THSD7B: variants seen among roughly 807,000 people sequenced by gnomAD.
The protein encoded by THSD7B is thrombospondin type-1 domain-containing protein 7B.
A neutral mutation model predicts 213.6 loss-of-function variants in THSD7B; 138 were observed. The ratio of observed to expected loss-of-function variants is 0.65; its 90% CI spans 0.56 to 0.74. The LOEUF (loss-of-function observed/expected upper bound fraction) is 0.74. Ranked by LOEUF, THSD7B falls within the 30% of genes least tolerant of loss-of-function variation. THSD7B has a pLI of 0.00. For synonymous variants in THSD7B, 742 were observed against 687.0 expected (o/e 1.08, Z -1.25); for missense variants, 1,931 against 1,991.5 (o/e 0.97, Z 0.58).
intron 12 of THSD7B, among the ~76,000 whole-genome samples, chr2:137,358,062 T>G (rs1685173112): frequency 6.6e-6 from 1 of 152,224 alleles, no homozygotes; most frequent in Non-Finnish European, 1.5e-5. Context: ...TTTTCTTTCC[T>G]TTCCTTGCTG....
chr2:137,445,667 T>C (rs1416532504), intron 14 of THSD7B, among the ~76,000 whole-genome samples: 2 of 151,818 alleles, frequency 1.3e-5, no homozygotes. Flanking sequence ...AAAAATACAG[T>C]TAGATAGAAA....
At chr2:136,897,871 T>C (rs1427388764) in intron 2 of THSD7B, among the ~76,000 whole-genome samples, 1 of 152,072 alleles carries the variant, frequency 6.6e-6, no homozygotes, top group Non-Finnish European at 1.5e-5. Flanking sequence ...TGCTGATTGG[T>C]GCGTTTACAA....
intron 5 of THSD7B, among the ~76,000 whole-genome samples, chr2:137,142,476 G>T (rs895647027): frequency 2.4e-4 from 37 of 152,000 alleles, no homozygotes; most frequent in African/African-American, 8.5e-4. Flanking sequence ...GTTTTTGGAG[G>T]GTTGAGCATT....
chr2:137,074,747 T>C (rs949250436), intron 3 of THSD7B, among the ~76,000 whole-genome samples: 8 of 152,222 alleles, frequency 5.3e-5, no homozygotes, highest in Admixed American at 3.3e-4. Context: ...CCATGTTTAG[T>C]GCTTCCTTCA....
chr2:136,999,482 C>T (rs1450226638), intron 2 of THSD7B, among the ~76,000 whole-genome samples: 1 of 149,654 alleles, frequency 6.7e-6, no homozygotes, highest in Non-Finnish European at 1.5e-5. Flanking sequence ...TTTTTTCAAG[C>T]ATGATATTGA....
intron 2 of THSD7B, among the ~76,000 whole-genome samples, chr2:136,929,578 A>T (rs554752041): frequency 1.3e-5 from 2 of 152,326 alleles, no homozygotes; most frequent in East Asian, 1.9e-4. Context: ...CACTCCTCAA[A>T]ATAACAACCA....
chr2:136,905,561 CCT>C (rs899177707), intron 2 of THSD7B, among the ~76,000 whole-genome samples: 8 of 152,126 alleles, frequency 5.3e-5, no homozygotes, highest in Non-Finnish European at 1.0e-4. Flanking sequence ...TGTCATTGGT[CCT>C]AAATTAACAG....
At chr2:136,778,165 A>G (rs934302729) in intron 1 of THSD7B, among the ~76,000 whole-genome samples, 16 of 152,274 alleles carry the variant, frequency 1.1e-4, no homozygotes, top group Non-Finnish European at 4.4e-5. Context: ...CACCCTCCTC[A>G]TGGCACTAGA....
At chr2:136,797,012 A>ACACACACAC (rs1553449017) in intron 1 of THSD7B, among the ~76,000 whole-genome samples, 11 of 148,912 alleles carry the variant, frequency 7.4e-5, no homozygotes, top group Non-Finnish European at 1.2e-4. Context: ...ACACACACAC[A>ACACACACAC]ACCTAAAAAA....
At chr2:137,308,299 C>T (rs972914391) in intron 12 of THSD7B, among the ~76,000 whole-genome samples, 15 of 151,904 alleles carry the variant, frequency 9.9e-5, no homozygotes, top group African/African-American at 2.9e-4. Context: ...ATGATTTTAC[C>T]GGCTGTGAGC....
intron 26 of THSD7B, 21 bp from the exon 27 acceptor site, chr2:137,667,753 T>C (rs1683477080): frequency 6.3e-7 from 1 of 1,582,872 alleles, no homozygotes; most frequent in Non-Finnish European, 8.6e-7. Flanking sequence ...AAGCTTCTTA[T>C]GTTATCTCTA....
chr2:137,150,242 C>CA (rs34325279), intron 5 of THSD7B, among the ~76,000 whole-genome samples: 2,420 of 129,290 alleles, frequency 0.019, 66 homozygotes, highest in African/African-American at 0.065. Context: ...AATTCTGTCT[C>CA]AAAAAAAAAA....
intron 2 of THSD7B, among the ~76,000 whole-genome samples, chr2:136,970,502 AAAAAG>A (rs1459148531): frequency 1.6e-4 from 24 of 152,248 alleles, no homozygotes; most frequent in African/African-American, 4.6e-4. Context: ...AATGAAAAAG[AAAAAG>A]AAGAGTATAA....
intron 16 of THSD7B, among the ~76,000 whole-genome samples, chr2:137,568,946 A>T (rs1681296625): frequency 2.0e-5 from 3 of 152,158 alleles, no homozygotes; most frequent in South Asian, 2.1e-4. Flanking sequence ...GACTTTATGG[A>T]TATGCTACCT....
At chr2:137,205,221 A>C (rs1329985343) in intron 7 of THSD7B, among the ~76,000 whole-genome samples, 1 of 152,084 alleles carries the variant, frequency 6.6e-6, no homozygotes, top group East Asian at 1.9e-4. Flanking sequence ...TTTTTAGAAA[A>C]GATTCTTGGA....
intron 2 of THSD7B, among the ~76,000 whole-genome samples, chr2:136,954,714 C>CAAAAAAAAAAAAAAAAA (rs11378111): frequency 6.7e-5 from 6 of 89,396 alleles, no homozygotes; most frequent in African/African-American, 3.4e-4. Flanking sequence ...GACTCTGTCT[C>CAAAAAAAAAAAAAAAAA]AAAAAAAAAA....
intron 4 of THSD7B, among the ~76,000 whole-genome samples, chr2:137,102,924 A>G (rs540584178): frequency 2.6e-5 from 4 of 152,342 alleles, no homozygotes; most frequent in Admixed American, 2.0e-4. Flanking sequence ...GTGTATCTGA[A>G]AGTGACAGGG....
chr2:136,781,917 C>G (rs16836631), intron 1 of THSD7B, among the ~76,000 whole-genome samples: 4,584 of 152,224 alleles, frequency 0.03, 159 homozygotes, highest in East Asian at 0.17. Flanking sequence ...GTGACATATA[C>G]ATTTTTGAAA....
chr2:136,984,230 C>T (rs1167596948), intron 2 of THSD7B, among the ~76,000 whole-genome samples: 2 of 152,114 alleles, frequency 1.3e-5, no homozygotes, highest in Non-Finnish European at 2.9e-5. Context: ...GTGGAATGGA[C>T]AGGTTTGTTG....
Sources: allele counts gnomAD v4.1 joint callset (sites outside exome capture counted in the v4.1 genomes callset), GRCh38; gene constraint gnomAD v4.1.1; transcripts MANE v1.5; gene names NCBI Gene and HGNC (gene_info 2026-07-23, HGNC 2026-07-21).